LMBR1: variants seen among roughly 807,000 people sequenced by gnomAD.
LMBR1 encodes limb development membrane protein 1.
Under a neutral mutation model 73.9 loss-of-function variants are expected in LMBR1, and 52 were observed. That is an observed-to-expected ratio of 0.70 (90% CI 0.56 to 0.89). The LOEUF is 0.89. Among genes scored for constraint, LMBR1 ranks in the 40% least tolerant of loss-of-function variants. The pLI is 0.00. For missense variants in LMBR1, 539 were observed against 579.8 expected, an observed-to-expected ratio of 0.93 and a Z score of 0.72; for synonymous variants, 215 against 209.4, an observed-to-expected ratio of 1.03 and a Z score of -0.23.
chr7:156,812,624 A>C (rs77849406), intron 4 of LMBR1, among the ~76,000 whole-genome samples: 4,835 of 152,308 alleles, frequency 0.032, 122 homozygotes, highest in South Asian at 0.085. Flanking sequence ...GGAAGGCAAC[A>C]CTGTGAACAT....
At chr7:156,730,054 G>T (rs6960145) in intron 10 of LMBR1, among the ~76,000 whole-genome samples, 27,522 of 152,146 alleles carry the variant, frequency 0.18, 2,897 homozygotes, top group African/African-American at 0.3. Flanking sequence ...ACCCAAGAGG[G>T]TGAGAAATCA....
chr7:156,774,929 G>C (rs61062448), intron 5 of LMBR1, among the ~76,000 whole-genome samples: 17,301 of 152,188 alleles, frequency 0.11, 1,831 homozygotes, highest in African/African-American at 0.28. Context: ...AATCCAAACA[G>C]TGCATGTTCT....
intron 4 of LMBR1, among the ~76,000 whole-genome samples, chr7:156,807,735 T>C (rs1832397375): frequency 6.6e-6 from 1 of 152,236 alleles, no homozygotes; most frequent in Admixed American, 6.5e-5. Context: ...TTTTTTCTGT[T>C]GTAATACAGG....
chr7:156,755,100 TC>T (rs769895726), intron 9 of LMBR1, among the ~76,000 whole-genome samples: 1 of 152,238 alleles, frequency 6.6e-6, no homozygotes, highest in Non-Finnish European at 1.5e-5. Flanking sequence ...ACATCCTCCA[TC>T]CTCTCCAGGT....
intron 9 of LMBR1, among the ~76,000 whole-genome samples, chr7:156,742,941 C>T (rs1819176495): frequency 6.6e-6 from 1 of 152,152 alleles, no homozygotes; most frequent in Non-Finnish European, 1.5e-5. Context: ...GGTGGTTCAA[C>T]ATATTCAAAT....
At chr7:156,762,382 GA>G (rs1310780250) in intron 7 of LMBR1, among the ~76,000 whole-genome samples, 184 bp from the exon 8 acceptor site, 2 of 152,208 alleles carry the variant, frequency 1.3e-5, no homozygotes, top group Admixed American at 1.3e-4. Flanking sequence ...AAAGAAGCTA[GA>G]GGGGCCATGT....
intron 1 of LMBR1, among the ~76,000 whole-genome samples, chr7:156,842,351 G>A (rs952028549): frequency 6.6e-6 from 1 of 151,244 alleles, no homozygotes; most frequent in African/African-American, 2.4e-5. Context: ...AGGGGGAAGC[G>A]TATTATAGAA....
At chr7:156,751,091 C>CA (rs1820793745) in intron 9 of LMBR1, among the ~76,000 whole-genome samples, 1 of 152,074 alleles carries the variant, frequency 6.6e-6, no homozygotes, top group Non-Finnish European at 1.5e-5. Flanking sequence ...GCCTGGGTGA[C>CA]AGAGTGAGAC....
At chr7:156,889,631 G>C (rs1407577077) in intron 1 of LMBR1, among the ~76,000 whole-genome samples, 5 of 152,168 alleles carry the variant, frequency 3.3e-5, no homozygotes, top group Non-Finnish European at 7.3e-5. Context: ...AGGAGAGTCA[G>C]AACTAAAGAA....
intron 15 of LMBR1, among the ~76,000 whole-genome samples, chr7:156,698,432 G>A (rs922842839): frequency 2.0e-5 from 3 of 152,232 alleles, no homozygotes; most frequent in African/African-American, 7.2e-5. Context: ...CCTAGCAGAG[G>A]TTCTCCGTGA....
chr7:156,696,519 C>G (rs1808313827), intron 15 of LMBR1, among the ~76,000 whole-genome samples: 1 of 152,186 alleles, frequency 6.6e-6, no homozygotes, highest in Admixed American at 6.5e-5. Context: ...ATCACAGTTC[C>G]ATATGGCTAG....
intron 1 of LMBR1, among the ~76,000 whole-genome samples, chr7:156,874,607 C>G (rs931338662): frequency 6.6e-6 from 1 of 152,258 alleles, no homozygotes; most frequent in African/African-American, 2.4e-5. Flanking sequence ...GACCTGCAGA[C>G]GGTTCACATC....
In LMBR1 at chr7:156,753,026, T is replaced by A. The variant is rs1034068631; in HGVS notation, c.757+3367A>T. 2.6e-5 allele frequency among the ~76,000 whole-genome samples: 4 copies of A among 151,948 alleles called. No homozygotes were observed. The East Asian group carries it at 7.7e-4, about 29-fold the overall frequency. On this transcript the variant is annotated intron_variant, in intron 9 of 16. Transcript: ENST00000353442. ...TATGTTAAATCTCCATACTGAGGAA[T>A]TGTAGGAAATGGGAGTGCTAGAAGA... is the stretch of plus-strand genomic sequence containing the variant.
chr7:156,832,052 T>C (rs1836789511), intron 3 of LMBR1, among the ~76,000 whole-genome samples: 1 of 152,218 alleles, frequency 6.6e-6, no homozygotes, highest in Non-Finnish European at 1.5e-5. Flanking sequence ...TTTTCACAAA[T>C]GTCACAGGGC....
At chr7:156,805,215 C>CTTTTTTTTTT (rs58044015) in intron 4 of LMBR1, among the ~76,000 whole-genome samples, 127 of 122,708 alleles carry the variant, frequency 1.0e-3, no homozygotes, top group Non-Finnish European at 1.6e-3. Flanking sequence ...ACATCATGCA[C>CTTTTTTTTTT]TTTTTTTTTT....
chr7:156,843,191 G>A (rs973123473), intron 1 of LMBR1, among the ~76,000 whole-genome samples: 3 of 152,206 alleles, frequency 2.0e-5, no homozygotes, highest in Middle Eastern at 3.4e-3. Flanking sequence ...TTTCTGGGAT[G>A]AGCACCCATC....
intron 5 of LMBR1, among the ~76,000 whole-genome samples, chr7:156,774,196 T>A (rs1825722206): frequency 6.6e-6 from 1 of 152,118 alleles, no homozygotes; most frequent in Admixed American, 6.6e-5. Context: ...TGGCTATTAT[T>A]AAAAAGTCAA....
chr7:156,738,417 A>G (rs1232443385), intron 9 of LMBR1, among the ~76,000 whole-genome samples: 3 of 152,142 alleles, frequency 2.0e-5, no homozygotes, highest in Non-Finnish European at 4.4e-5. Flanking sequence ...AGGACACAAG[A>G]ACTGCAATTC....
intron 15 of LMBR1, among the ~76,000 whole-genome samples, chr7:156,720,832 C>T (rs1814399873): frequency 6.6e-6 from 1 of 151,696 alleles, no homozygotes; most frequent in African/African-American, 2.4e-5. Context: ...CTTATACTTC[C>T]ATTTCACATT....
Sources: gnomAD v4.1 joint callset for allele counts (sites outside exome capture counted in the v4.1 genomes callset) on GRCh38, gnomAD v4.1.1 for gene constraint, MANE v1.5 for transcripts, NCBI Gene and HGNC (gene_info 2026-07-23, HGNC 2026-07-21) for gene names.